Variants in RBX1 observed in about 807,000 individuals in gnomAD.
The protein encoded by RBX1 is ring-box 1.
For synonymous variants in RBX1, 48 were observed against 47.9 expected (o/e 1.00, Z -0.01); for missense variants, 46 against 141.4 (o/e 0.33, Z 3.42).
intron 2 of RBX1, among the ~76,000 whole-genome samples, chr22:40,953,998 G>A (rs1601533742): frequency 6.6e-6 from 1 of 152,132 alleles, no homozygotes; most frequent in African/African-American, 2.4e-5. Context: ...GAGGCCAAGC[G>A]CAGTGGCTCA....
intron 4 of RBX1, among the ~76,000 whole-genome samples, chr22:40,968,977 T>A (rs138108808): frequency 6.6e-6 from 1 of 152,310 alleles, no homozygotes; most frequent in African/African-American, 2.4e-5. Flanking sequence ...CTTTTCTTTT[T>A]TTATTTGTTT....
In RBX1 at chr22:40,959,189, G is replaced by A. The variant is rs2058333335; in HGVS notation, c.158-4858G>A. 2.0e-5 allele frequency among the ~76,000 whole-genome samples: 3 copies of A among 152,182 alleles called. No individual in the cohort carries two copies. The South Asian group carries it at 6.2e-4, about 31-fold the overall frequency. On this transcript the variant is annotated intron_variant, in intron 2 of 4. Transcript: ENST00000216225. ...TTGCTTCCTTAACAGTTCTTTGGTG[G>A]TACAGCGTTTTTATCAAAGCTTAAA...
chr22:40,969,975 C>T (rs889813905), intron 4 of RBX1, among the ~76,000 whole-genome samples: 6 of 150,252 alleles, frequency 4.0e-5, no homozygotes, highest in South Asian at 2.1e-4. Context: ...GTGGGAGGAT[C>T]GCTTGAGCCC....
chr22:40,954,947 C>G (rs2058321206), intron 2 of RBX1, among the ~76,000 whole-genome samples: 1 of 152,114 alleles, frequency 6.6e-6, no homozygotes, highest in Non-Finnish European at 1.5e-5. Flanking sequence ...CCACCACACC[C>G]AGCTAATTTT....
In RBX1 at chr22:40,953,643, T is replaced by G; in HGVS notation, c.157+10T>G. On this transcript the variant is annotated intron_variant, in intron 2 of 4. Coordinates refer to ENST00000216225, the MANE Select transcript of RBX1 (RefSeq NM_014248.4). The stretch of plus-strand genomic sequence containing the variant: ...CACATTATGGATCTTTGTAAGTAAT[T>G]GGAGGAGGATGGGAGGAAGTTGAGA... The G allele has an allele frequency of 6.4e-7, 1 of 1,573,052 alleles. No homozygotes were observed. Among genetic ancestry groups the G allele is most frequent in the Admixed American group, 1.7e-5 (1 of 59,804 alleles).
At chr22:40,966,732 A>G (rs1730167691) in intron 3 of RBX1, 1 of 152,166 alleles carries the variant, frequency 6.6e-6, no homozygotes, top group Admixed American at 6.6e-5. Context: ...ACTTTGGGAG[A>G]CGTACCGACC....
chr22:40,953,811 G>A (rs1224317578), intron 2 of RBX1, among the ~76,000 whole-genome samples, 178 bp downstream of exon 2: 1 of 152,074 alleles, frequency 6.6e-6, no homozygotes, highest in African/African-American at 2.4e-5. Flanking sequence ...TGATGTCCTG[G>A]AGGCATACCC....
At chr22:40,967,929 A>G (rs575901428) in intron 4 of RBX1, 45 bp downstream of exon 4, 15 of 1,342,264 alleles carry the variant, frequency 1.1e-5, no homozygotes, top group Non-Finnish European at 1.6e-5. Flanking sequence ...GACTTGCCTC[A>G]GGCTGAAAGG....
intron 4 of RBX1, among the ~76,000 whole-genome samples, chr22:40,969,290 C>T (rs992748116): frequency 2.0e-5 from 3 of 152,154 alleles, no homozygotes; most frequent in South Asian, 2.1e-4. Flanking sequence ...CCAACAAGAG[C>T]GAAACTCCAT....
intron 1 of RBX1, among the ~76,000 whole-genome samples, chr22:40,951,750 C>G (rs1036913357): frequency 7.4e-6 from 1 of 134,792 alleles, no homozygotes; most frequent in Non-Finnish European, 1.5e-5. Context: ...CGGCGGGAGC[C>G]AAGCGCTTGA....
At chr22:40,951,802 A>G (rs994624346) in intron 1 of RBX1, among the ~76,000 whole-genome samples, 6 of 5,802 alleles carry the variant, frequency 1.0e-3, no homozygotes, top group Admixed American at 3.1e-3. Flanking sequence ...AGGACAGGGT[A>G]GGGTGGGGTG....
intron 1 of RBX1, 90 bp downstream of exon 1, chr22:40,951,566 G>A (rs1408761052): frequency 2.3e-6 from 3 of 1,293,428 alleles, no homozygotes; most frequent in Non-Finnish European, 3.2e-6. Flanking sequence ...CGGAGTAAAG[G>A]GTTTCATTTC....
intron 2 of RBX1, 93 bp downstream of exon 2, chr22:40,953,726 A>G: frequency 1.2e-6 from 1 of 846,822 alleles, no homozygotes; most frequent in Non-Finnish European, 2.0e-6. Context: ...ACACGAGGAG[A>G]TAGCAAGCCT....
rs554682925 is a variant in RBX1 at position 40,959,787 on chromosome 22, G to C, written c.158-4260G>C. 4.8e-3 allele frequency among the ~76,000 whole-genome samples: 728 copies of C among 152,076 alleles called. 5 individuals carry two copies. Among genetic ancestry groups the C allele is most frequent in the Non-Finnish European group, 7.5e-3 (509 of 67,990 alleles). ...GATTGCACCAGTGCCCTCCGGCCTG[G>C]GGGGACAAAGCTAGACTCTGTCTAA... is the stretch of plus-strand genomic sequence containing the variant. On this transcript the variant is annotated intron_variant, in intron 2 of 4. Coordinates refer to ENST00000216225, the MANE Select transcript of RBX1 (RefSeq NM_014248.4).
Position 40,973,104 on chromosome 22 carries a change from G to C in RBX1, c.*616G>C, listed in dbSNP as rs17347451. 59,633 of 152,058 alleles carry C rather than the reference G, an allele frequency of 0.39. 13,568 individuals carry two copies. The highest frequency in any genetic ancestry group is 0.72 in the East Asian group (3,741 of 5,174). The allele number at this position is 152,058 out of a possible 1,614,324, so 9.4% of individuals were successfully genotyped here. A position where few individuals can be genotyped will look rare whatever the true frequency, so the allele number is the denominator to read the frequency against. On this transcript the variant is annotated 3_prime_UTR_variant, in exon 5 of 5. Transcript: ENST00000216225. ...TAAAATGTAAAACCGCTATACAAATGTGACCTTTGGTTGTGTATGACAGCA... is the reference window on the plus strand; with the variant it reads ...TAAAATGTAAAACCGCTATACAAATCTGACCTTTGGTTGTGTATGACAGCA...
chr22:40,953,618 C>A lies in RBX1; in HGVS notation c.142C>A (p.His48Asn). ...VVDNCAICRN[H>N]IMDLCIECQA... is the part of the protein sequence containing the mutation. ...TGATAACTGTGCCATCTGCAGGAAC[C>A]ACATTATGGATCTTTGTAAGTAATT... The change falls in exon 2 of 5, where the codon CAC becomes AAC. Residue 48 changes from histidine (H) to asparagine (N), a missense_variant. Physicochemically the swap from His to Asn is moderately conservative, Grantham distance 68. Transcript: ENST00000216225. 6.2e-7 allele frequency: 1 copy of A among 1,607,858 alleles called. No homozygotes were observed. Among genetic ancestry groups the A allele is most frequent in the South Asian group, 1.1e-5 (1 of 90,884 alleles).
chr22:40,962,336 A>G (rs922405308), intron 2 of RBX1, among the ~76,000 whole-genome samples: 6 of 152,072 alleles, frequency 3.9e-5, no homozygotes, highest in African/African-American at 1.4e-4. Flanking sequence ...TCCTGACTTC[A>G]GCCTCTCATA....
intron 4 of RBX1, 32 bp from the exon 5 acceptor site, chr22:40,972,444 A>C (rs369478947): frequency 1.5e-5 from 23 of 1,579,200 alleles, no homozygotes; most frequent in Middle Eastern, 1.7e-4. Context: ...ATTATCTTGG[A>C]ATTAATCAGA....
intron 4 of RBX1, among the ~76,000 whole-genome samples, chr22:40,968,107 T>TTG (rs2058359021): frequency 3.4e-5 from 5 of 148,232 alleles, no homozygotes; most frequent in African/African-American, 1.0e-4. Context: ...TTTTTTTTTT[T>TTG]TGAGACGGAG....
Sources: gnomAD v4.1 joint callset for allele counts (sites outside exome capture counted in the v4.1 genomes callset) on GRCh38, gnomAD v4.1.1 for gene constraint, MANE v1.5 for transcripts, NCBI Gene and HGNC (gene_info 2026-07-23, HGNC 2026-07-21) for gene names.